SETD2: variants seen among roughly 807,000 people sequenced by gnomAD.
SETD2 encodes SET domain containing 2, histone lysine methyltransferase.
In SETD2, 31 loss-of-function variants were observed where a neutral mutation model predicts 242.1. The ratio of observed to expected loss-of-function variants is 0.13; its 90% CI spans 0.10 to 0.17. The LOEUF is 0.17. Among genes scored for constraint, SETD2 ranks in the 10% least tolerant of loss-of-function variants. The pLI, the probability that SETD2 is intolerant of heterozygous loss-of-function variation, is 1.00. For synonymous variants in SETD2, 1,006 were observed against 1,066.5 expected, an observed-to-expected ratio of 0.94 and a Z score of 1.11; for missense variants, 2,481 against 3,046.3, an observed-to-expected ratio of 0.81 and a Z score of 4.37.
chr3:47,109,985 C>CAA (rs1167745997), intron 5 of SETD2, among the ~76,000 whole-genome samples: 10 of 60,470 alleles, frequency 1.7e-4, no homozygotes, highest in Admixed American at 3.9e-4. Flanking sequence ...GACTCCATCT[C>CAA]AAAAAAAAAA....
At chr3:47,085,161 T>C (rs1376048739) in intron 11 of SETD2, among the ~76,000 whole-genome samples, 1 of 152,228 alleles carries the variant, frequency 6.6e-6, no homozygotes, top group Non-Finnish European at 1.5e-5. Flanking sequence ...TAATATTGTT[T>C]TCCTTAAGAA....
chr3:47,046,869 T>C (rs2039555099), intron 15 of SETD2: 1 of 255,302 alleles, frequency 3.9e-6, no homozygotes, highest in Non-Finnish European at 7.4e-6. Context: ...CTTTTTTTTT[T>C]TTGGTCATAG....
chr3:47,129,657 G>A (rs541597054), intron 1 of SETD2, among the ~76,000 whole-genome samples: 75 of 152,280 alleles, frequency 4.9e-4, no homozygotes, highest in Middle Eastern at 3.4e-3. Context: ...AGGTCAAGGC[G>A]GGTGGATCAC....
Position 47,123,004 on chromosome 3 carries a change from T to G in SETD2, c.1632A>C (p.Ser544=), listed in dbSNP as rs773360536. 1.9e-6 allele frequency: 3 copies of G among 1,613,844 alleles called. No individual in the cohort carries two copies. Among genetic ancestry groups the G allele is most frequent in the Non-Finnish European group, 2.5e-6 (3 of 1,179,682 alleles). Residue 544 remains serine (S), a synonymous_variant, in exon 3 of 21, where the codon TCA becomes TCC. Coordinates refer to ENST00000409792, the MANE Select transcript of SETD2 (RefSeq NM_014159.7). ...AAGCACTACTGTCATGCTTAGAATA[T>G]GATGACCCTCGTCGGAATCCCAGTT... ...PNELGFRRGS[S]YSKHDSSASR...
At chr3:47,105,887 A>G (rs755105650) in intron 6 of SETD2, 110 bp downstream of exon 6, 7 of 1,268,790 alleles carry the variant, frequency 5.5e-6, no homozygotes, top group African/African-American at 1.6e-5. Flanking sequence ...TGGGCGATAG[A>G]GCGAGACTCC....
chr3:47,054,987 T>C (rs926845968), intron 15 of SETD2, among the ~76,000 whole-genome samples: 3 of 152,170 alleles, frequency 2.0e-5, no homozygotes, highest in Non-Finnish European at 2.9e-5. Flanking sequence ...CCCATCACAG[T>C]GGTCCCCATA....
chr3:47,072,728 G>A (rs1200337551), intron 12 of SETD2, among the ~76,000 whole-genome samples: 2 of 151,922 alleles, frequency 1.3e-5, no homozygotes, highest in Non-Finnish European at 2.9e-5. Flanking sequence ...GGCAGATCAC[G>A]AGGTCAGGAG....
chr3:47,033,067 T>C (rs1175415712), intron 18 of SETD2, among the ~76,000 whole-genome samples: 3 of 152,176 alleles, frequency 2.0e-5, no homozygotes, highest in African/African-American at 4.8e-5. Flanking sequence ...TTTCCCACCA[T>C]ACAAAGGTTC....
At chr3:47,082,142 C>T (rs1194289146) in intron 12 of SETD2, among the ~76,000 whole-genome samples, 1 of 152,108 alleles carries the variant, frequency 6.6e-6, no homozygotes, top group Non-Finnish European at 1.5e-5. Context: ...GTAATTCATA[C>T]CATCACAATT....
intron 12 of SETD2, among the ~76,000 whole-genome samples, chr3:47,068,493 CTTTT>C (rs573954456): frequency 6.4e-5 from 7 of 108,698 alleles, no homozygotes; most frequent in Admixed American, 1.0e-4. Flanking sequence ...AATACACTAT[CTTTT>C]TTTTTTTTTT....
chr3:47,060,226 C>T (rs891983701), intron 14 of SETD2, among the ~76,000 whole-genome samples: 1 of 152,200 alleles, frequency 6.6e-6, no homozygotes, highest in African/African-American at 2.4e-5. Flanking sequence ...CATGCCACTG[C>T]ACTCCAGCTT....
chr3:47,065,436 T>C (rs2040518822), intron 13 of SETD2, among the ~76,000 whole-genome samples: 1 of 152,020 alleles, frequency 6.6e-6, no homozygotes, highest in African/African-American at 2.4e-5. Context: ...GAGGTACTCA[T>C]GAAACCAATA....
chr3:47,121,556 G>T lies in SETD2; in HGVS notation c.3080C>A (p.Ala1027Asp), dbSNP rs2106654022. The change falls in exon 3 of 21, where the codon GCC (alanine) becomes GAC (aspartate). Residue 1027 changes from alanine to aspartate, a missense_variant. Around this residue, in one of 17 missense-constraint regions of SETD2, gnomAD observed 1,300 missense variants for 1,259.2 expected, o/e 1.03. Transcript: ENST00000409792. ...ATGAACTGTAGACACAATTTCTGGG[G>T]CATGACCACTACTGTCACACTTTAA... ...YALKCDSSGH[A>D]PEIVSTVHED... The T allele has an allele frequency of 6.2e-7, 1 of 1,614,022 alleles. No individual in the cohort carries two copies. The highest frequency in any genetic ancestry group is 1.7e-5 in the Admixed American group (1 of 60,020).
At chr3:47,116,515 C>T (rs2042859158) in intron 4 of SETD2, 108 bp downstream of exon 4, 2 of 1,119,276 alleles carry the variant, frequency 1.8e-6, no homozygotes, top group African/African-American at 1.6e-5. Flanking sequence ...TGCTTGTAGT[C>T]ATCCATAGGT....
At chr3:47,033,004 G>A (rs2038842647) in intron 18 of SETD2, among the ~76,000 whole-genome samples, 1 of 151,686 alleles carries the variant, frequency 6.6e-6, no homozygotes, top group Admixed American at 6.6e-5. Flanking sequence ...CTGAATTTTA[G>A]GGCCTATAAA....
chr3:47,106,404 T>G (rs1056734119), intron 5 of SETD2, among the ~76,000 whole-genome samples: 1 of 148,462 alleles, frequency 6.7e-6, no homozygotes, highest in African/African-American at 2.5e-5. Context: ...CATTCAAGTC[T>G]GGCTTACAAT....
chr3:47,039,652 G>A (rs2039182696), intron 17 of SETD2, among the ~76,000 whole-genome samples: 1 of 149,866 alleles, frequency 6.7e-6, no homozygotes, highest in East Asian at 2.0e-4. Context: ...GATCACCTGA[G>A]GTCAGGAGTT....
chr3:47,049,715 T>C lies in SETD2; in HGVS notation c.6964-3094A>G, dbSNP rs36154120. Among the ~76,000 whole-genome samples, 10 of 147,302 alleles carry C rather than the reference T, an allele frequency of 6.8e-5. 1 individual carries two copies. The East Asian group carries it at 1.6e-3, about 23-fold the overall frequency. On this transcript the variant is annotated intron_variant, in intron 15 of 20. Transcript: ENST00000409792. ...ATGAGTTTATATTATATATTAAATA[T>C]ATAAACTTATTCTGAGTTTATATTA...
intron 1 of SETD2, among the ~76,000 whole-genome samples, chr3:47,142,691 G>A (rs1445622264): frequency 6.8e-6 from 1 of 147,408 alleles, no homozygotes; most frequent in African/African-American, 2.5e-5. Flanking sequence ...TTTTTGAGAT[G>A]GAGTTTTGCC....
Sources: gnomAD v4.1 joint callset for allele counts (sites outside exome capture counted in the v4.1 genomes callset) on GRCh38, gnomAD v4.1.1 for gene constraint, gnomAD v4.1.1 regional missense constraint, MANE v1.5 for transcripts, NCBI Gene and HGNC (gene_info 2026-07-23, HGNC 2026-07-21) for gene names.